NME7: variants seen among roughly 807,000 people sequenced by gnomAD.
NME7 encodes the protein NME/NM23 family member 7, also known as nucleoside diphosphate kinase 7.
A neutral mutation model predicts 49.1 loss-of-function variants in NME7; 41 were observed. The ratio of observed to expected loss-of-function variants is 0.83; its 90% confidence interval spans 0.65 to 1.08. NME7 has a LOEUF of 1.08. Among genes scored for constraint, NME7 ranks in the 50% least tolerant of loss-of-function variants. The probability of loss-of-function intolerance (pLI) is 0.00; values close to 1 mark genes in which losing one functional copy is unlikely to be tolerated. For synonymous variants in NME7, 139 were observed against 150.6 expected (o/e 0.92, Z 0.56); for missense variants, 423 against 463.4 (o/e 0.91, Z 0.80).
At chr1:169,279,254 C>T (rs560611837) in intron 7 of NME7, among the ~76,000 whole-genome samples, 13 of 152,186 alleles carry the variant, frequency 8.5e-5, no homozygotes, top group East Asian at 1.9e-4. Context: ...CAGAGGTTAC[C>T]GCTGTCTTTT....
At chr1:169,215,557 AC>A (rs906332147) in intron 10 of NME7, among the ~76,000 whole-genome samples, 2 of 152,054 alleles carry the variant, frequency 1.3e-5, no homozygotes, top group Admixed American at 6.6e-5. Flanking sequence ...AGTGACAGGT[AC>A]TAATGTCAAA....
chr1:169,183,920 C>T (rs1044856702), intron 10 of NME7, among the ~76,000 whole-genome samples: 5 of 151,960 alleles, frequency 3.3e-5, no homozygotes, highest in African/African-American at 1.2e-4. Context: ...AAAGTTATTG[C>T]CTTCTGAAAG....
intron 3 of NME7, among the ~76,000 whole-genome samples, chr1:169,317,075 C>T (rs1651658909): frequency 6.6e-6 from 1 of 151,674 alleles, no homozygotes; most frequent in Non-Finnish European, 1.5e-5. Context: ...TTTCAATGTA[C>T]ATGTATTAAC....
chr1:169,258,700 G>C (rs1009798735), intron 7 of NME7, among the ~76,000 whole-genome samples: 2 of 131,914 alleles, frequency 1.5e-5, no homozygotes, highest in East Asian at 4.0e-4. Context: ...TATAATTCTT[G>C]CTCCTTTTCT....
chr1:169,194,347 A>G (rs1167598837), intron 10 of NME7, among the ~76,000 whole-genome samples: 1 of 152,140 alleles, frequency 6.6e-6, no homozygotes, highest in African/African-American at 2.4e-5. Context: ...TTCCTGCAAA[A>G]GGCCCAACAC....
At chr1:169,251,790 T>C (rs947632464) in intron 7 of NME7, among the ~76,000 whole-genome samples, 1 of 148,362 alleles carries the variant, frequency 6.7e-6, no homozygotes, top group Non-Finnish European at 1.5e-5. Context: ...AATTCCCACC[T>C]ATGAGTGAGA....
Position 169,367,615 on chromosome 1 carries a change from CCGGACA to C in NME7, c.3+87_3+92del, listed in dbSNP as rs1653929548. On this transcript the variant is annotated intron_variant, in intron 1 of 11. Coordinates refer to ENST00000367811, the MANE Select transcript of NME7 (RefSeq NM_013330.5). ...GATAACGGGGAGAAGGTCGGGAGGA[CCGGACA>C]ACTTTAAGTGCCCATCCGCCCGAAG... is the stretch of plus-strand genomic sequence containing the variant. 3.5e-6 allele frequency: 5 copies of C among 1,437,642 alleles called. No individual in the cohort carries two copies. In the African/African-American group the frequency reaches 7.0e-5, roughly 20 times the overall value. 89.1% of individuals were successfully genotyped at this position (1,437,642 alleles called of 1,614,324 possible).
chr1:169,208,529 T>C (rs1660735959), intron 10 of NME7, among the ~76,000 whole-genome samples: 1 of 152,148 alleles, frequency 6.6e-6, no homozygotes, highest in Non-Finnish European at 1.5e-5. Flanking sequence ...TGTTAACAGC[T>C]AACTCCCCAG....
At chr1:169,228,119 G>A (rs987280104) in intron 10 of NME7, among the ~76,000 whole-genome samples, 6 of 151,310 alleles carry the variant, frequency 4.0e-5, no homozygotes, top group African/African-American at 1.5e-4. Context: ...ATATTGCCAA[G>A]GCAGGTCTCC....
chr1:169,230,271 A>T (rs1298584940), intron 10 of NME7, among the ~76,000 whole-genome samples: 1 of 152,186 alleles, frequency 6.6e-6, no homozygotes, highest in East Asian at 1.9e-4. Context: ...AACCCAAAGC[A>T]AACTGAAAGG....
At chr1:169,207,960 G>A (rs902331288) in intron 10 of NME7, among the ~76,000 whole-genome samples, 1 of 152,064 alleles carries the variant, frequency 6.6e-6, no homozygotes, top group Admixed American at 6.6e-5. Context: ...AGCTTAGCAA[G>A]AATTATGGTC....
intron 10 of NME7, among the ~76,000 whole-genome samples, chr1:169,215,099 A>G (rs1275939112): frequency 6.6e-6 from 1 of 152,202 alleles, no homozygotes. Context: ...TGAGCAATGA[A>G]AGTAGCTCTC....
chr1:169,200,268 A>G (rs1467850604), intron 10 of NME7, among the ~76,000 whole-genome samples: 1 of 152,134 alleles, frequency 6.6e-6, no homozygotes, highest in Non-Finnish European at 1.5e-5. Flanking sequence ...TACCAAGAAT[A>G]TCATTAAATT....
intron 11 of NME7, among the ~76,000 whole-genome samples, chr1:169,145,159 C>T (rs551015025): frequency 1.1e-4 from 17 of 152,106 alleles, no homozygotes; most frequent in East Asian, 3.8e-4. Flanking sequence ...GAACTTTGCA[C>T]GGAAAGATAT....
chr1:169,306,897 T>C (rs758783305), intron 4 of NME7, among the ~76,000 whole-genome samples: 25 of 152,254 alleles, frequency 1.6e-4, no homozygotes, highest in Non-Finnish European at 3.2e-4. Flanking sequence ...ATTGAAATCA[T>C]AGTGACCGTC....
rs78245557 is a variant in NME7 at position 169,225,840 on chromosome 1, T to G, written c.990+4878A>C. ...ATGCCAAAAGCACAGACATCAATGA[T>G]GAAATCATGTCAATCTGCAACATAT... On this transcript the variant is annotated intron_variant, in intron 10 of 11. Transcript: ENST00000367811. Among the ~76,000 whole-genome samples the G allele has an allele frequency of 7.5e-4, 115 of 152,326 alleles. No individual in the cohort carries two copies. The East Asian group carries it at 0.02, about 26-fold the overall frequency.
At chr1:169,263,366 A>T (rs1270514557) in intron 7 of NME7, among the ~76,000 whole-genome samples, 1 of 134,196 alleles carries the variant, frequency 7.5e-6, no homozygotes, top group East Asian at 2.0e-4. Flanking sequence ...TCACAATAAA[A>T]CAATACAGGA....
chr1:169,180,822 A>C (rs1659904715), intron 10 of NME7, among the ~76,000 whole-genome samples: 2 of 152,150 alleles, frequency 1.3e-5, no homozygotes, highest in South Asian at 4.1e-4. Context: ...ATTTATGCTA[A>C]ATTTTCAAGT....
chr1:169,151,795 G>C (rs1658923592), intron 11 of NME7, among the ~76,000 whole-genome samples: 1 of 151,504 alleles, frequency 6.6e-6, no homozygotes, highest in Non-Finnish European at 1.5e-5. Context: ...TCCCTCTGCA[G>C]ACCCCCTCCC....
Sources: gnomAD v4.1 joint callset for allele counts (sites outside exome capture counted in the v4.1 genomes callset) on GRCh38, gnomAD v4.1.1 for gene constraint, MANE v1.5 for transcripts, NCBI Gene and HGNC (gene_info 2026-07-23, HGNC 2026-07-21) for gene names.